Variants in SGK2 observed in about 807,000 individuals in gnomAD.
SGK2 encodes the protein serum/glucocorticoid regulated kinase 2, also known as serine/threonine-protein kinase Sgk2.
Under a neutral mutation model 47.5 loss-of-function variants are expected in SGK2, and 36 were observed. That is an observed-to-expected ratio of 0.76 (90% confidence interval 0.58 to 1.00). The LOEUF (loss-of-function observed/expected upper bound fraction) is 1.00. Ranked by LOEUF, SGK2 falls within the 50% of genes least tolerant of loss-of-function variation. SGK2 has a pLI of 0.00. For synonymous variants in SGK2, 157 were observed against 181.9 expected (o/e 0.86, Z 1.10); for missense variants, 404 against 467.4 (o/e 0.86, Z 1.25).
At chr20:43,581,718 G>A (rs1416266913) in intron 12 of SGK2, among the ~76,000 whole-genome samples, 1 of 152,040 alleles carries the variant, frequency 6.6e-6, no homozygotes, top group Admixed American at 6.6e-5. Flanking sequence ...CAGTAGAAAC[G>A]GGGTTTCACC....
At chr20:43,566,414 G>T (rs748959701) in intron 1 of SGK2, 59 bp from the exon 2 acceptor site, 1 of 1,614,150 alleles carries the variant, frequency 6.2e-7, no homozygotes, top group South Asian at 1.1e-5. Context: ...AGCCCTGGAT[G>T]GGCGGAGCTG....
chr20:43,567,710 G>C lies in SGK2; in HGVS notation c.132G>C (p.Gly44=). 6.2e-7 allele frequency: 1 copy of C among 1,614,136 alleles called. No homozygotes were observed. Among genetic ancestry groups the C allele is most frequent in the Non-Finnish European group, 8.5e-7 (1 of 1,180,026 alleles). Residue 44 remains glycine, a synonymous_variant, in exon 4 of 13, where the codon GGG becomes GGC. Coordinates refer to ENST00000373100, the MANE Select transcript of SGK2 (RefSeq NM_170693.3). ...DFDFLKVIGK[G]NYGKVLLAKR... ...ACTTCCTCAAAGTCATCGGCAAAGG[G>C]AACTACGGGAAGGTGAGTGACTTGG...
intron 1 of SGK2, among the ~76,000 whole-genome samples, chr20:43,562,185 A>C (rs1979426614): frequency 6.6e-6 from 1 of 151,594 alleles, no homozygotes; most frequent in African/African-American, 2.4e-5. Flanking sequence ...AGGCCGAGGC[A>C]GGAGGATTGC....
chr20:43,569,703 G>C, intron 6 of SGK2, 187 bp downstream of exon 6: 1 of 605,548 alleles, frequency 1.7e-6, no homozygotes, highest in Non-Finnish European at 2.9e-6. Flanking sequence ...CGCATACCTG[G>C]TAGAGTCAGG....
rs556212700 is a variant in SGK2 at position 43,575,446 on chromosome 20, C to A, written c.693+442C>A. Among the ~76,000 whole-genome samples, 483 of 115,840 alleles carry A rather than the reference C, an allele frequency of 4.2e-3. 1 individual carries two copies. Among genetic ancestry groups the A allele is most frequent in the African/African-American group, 0.015 (434 of 28,748 alleles). The allele number at this position is 115,840 out of a possible 152,430, so 76.0% of individuals were successfully genotyped here. On this transcript the variant is annotated intron_variant, in intron 10 of 12. Coordinates refer to ENST00000373100, the MANE Select transcript of SGK2 (RefSeq NM_170693.3). ...ACCACCGCATATCCAGTCTGGGTGA[C>A]GGAGGGAGACTCTGTCTCAAAAAAA...
chr20:43,562,274 C>T (rs759278088), intron 1 of SGK2, among the ~76,000 whole-genome samples: 2 of 151,256 alleles, frequency 1.3e-5, no homozygotes, highest in Admixed American at 6.6e-5. Context: ...AAAAATTAGC[C>T]AAGCCTGGTG....
At chr20:43,570,864 C>A in intron 7 of SGK2, 135 bp downstream of exon 7, 1 of 1,304,748 alleles carries the variant, frequency 7.7e-7, no homozygotes, top group Non-Finnish European at 1.1e-6. Context: ...GAGTCTCCTC[C>A]TCCGAGGTCC....
At chr20:43,564,235 G>A (rs1390927721) in intron 1 of SGK2, among the ~76,000 whole-genome samples, 1 of 152,260 alleles carries the variant, frequency 6.6e-6, no homozygotes, top group Admixed American at 6.5e-5. Context: ...CCTGCCCTGA[G>A]GACTGGGCCA....
chr20:43,579,555 G>A (rs1178612347), intron 11 of SGK2, among the ~76,000 whole-genome samples: 1 of 152,110 alleles, frequency 6.6e-6, no homozygotes, highest in African/African-American at 2.4e-5. Flanking sequence ...CTTCCCTAGT[G>A]AATTGATTTA....
At chr20:43,568,948 A>G (rs1979913875) in intron 5 of SGK2, among the ~76,000 whole-genome samples, 1 of 152,124 alleles carries the variant, frequency 6.6e-6, no homozygotes, top group Non-Finnish European at 1.5e-5. Context: ...TTCCTGAGGG[A>G]GGCAGCGGTG....
rs771099231 is a variant in SGK2 at position 43,585,601 on chromosome 20, A to C, written c.*585A>C. On this transcript the variant is annotated 3_prime_UTR_variant, in exon 13 of 13. Coordinates refer to ENST00000373100, the MANE Select transcript of SGK2 (RefSeq NM_170693.3). ...AATGACAGAGATGTAACAAGCTCATAGGGTATCAATATCTCTTATTGTTCT... is the reference window on the plus strand; with the variant it reads ...AATGACAGAGATGTAACAAGCTCATCGGGTATCAATATCTCTTATTGTTCT... The C allele has an allele frequency of 6.5e-6, 1 of 152,820 alleles. No individual in the cohort carries two copies. The highest frequency in any genetic ancestry group is 2.4e-5 in the African/African-American group (1 of 41,448). 9.5% of individuals were successfully genotyped at this position (152,820 alleles called of 1,614,324 possible).
intron 9 of SGK2, among the ~76,000 whole-genome samples, chr20:43,573,076 C>A (rs908447356): frequency 2.0e-5 from 3 of 152,214 alleles, no homozygotes; most frequent in Admixed American, 2.0e-4. Context: ...GTGTAAACCA[C>A]AGGTCCGTGT....
At chr20:43,580,174 T>G (rs1980704225) in intron 12 of SGK2, 113 bp downstream of exon 12, 3 of 649,388 alleles carry the variant, frequency 4.6e-6, no homozygotes, top group Non-Finnish European at 8.1e-6. Context: ...AGCTCAGTCA[T>G]TTGTCCTAGG....
At chr20:43,561,987 A>G (rs1979414681) in intron 1 of SGK2, among the ~76,000 whole-genome samples, 1 of 152,160 alleles carries the variant, frequency 6.6e-6, no homozygotes, top group Non-Finnish European at 1.5e-5. Flanking sequence ...GCTTTCTAGA[A>G]TGAACTCAAA....
intron 12 of SGK2, chr20:43,583,576 AC>A: frequency 5.1e-6 from 5 of 985,258 alleles, no homozygotes; most frequent in Non-Finnish European, 6.0e-6. Flanking sequence ...CCCCTTCCTC[AC>A]CTGCTTACTT....
rs184699673 is a variant in SGK2 at position 43,568,203 on chromosome 20, A to G, written c.228+204A>G. Among the ~76,000 whole-genome samples, 233 of 152,304 alleles carry G rather than the reference A, an allele frequency of 1.5e-3. 1 individual carries two copies. The highest frequency in any genetic ancestry group is 5.2e-3 in the African/African-American group (217 of 41,572). On this transcript the variant is annotated intron_variant, in intron 5 of 12. Coordinates refer to ENST00000373100, the MANE Select transcript of SGK2 (RefSeq NM_170693.3). Reference sequence around the variant, plus strand: ...CAAGCCATCTCACCACAGGGCTTTCAGGAAAACCAGCCTGGCTTTGCCTTC... The same window carrying G: ...CAAGCCATCTCACCACAGGGCTTTCGGGAAAACCAGCCTGGCTTTGCCTTC...
chr20:43,580,043 A>G lies in SGK2; in HGVS notation c.921A>G (p.Pro307=), dbSNP rs760767532. Residue 307 remains proline (P), a synonymous_variant, in exon 12 of 13, where the codon CCA becomes CCG. Transcript: ENST00000373100. Reference sequence around the variant, plus strand: ...ACCTGTACCACAAGAGGCTAACTCCACCCTTCAACCCAAATGTGGTAAGAG... The same window carrying G: ...ACCTGTACCACAAGAGGCTAACTCCGCCCTTCAACCCAAATGTGGTAAGAG... ...WDDLYHKRLT[P]PFNPNVTGPA... The G allele has an allele frequency of 6.2e-7, 1 of 1,600,992 alleles. No homozygotes were observed. The highest frequency in any genetic ancestry group is 8.5e-7 in the Non-Finnish European group (1 of 1,173,566).
At chr20:43,582,043 T>C (rs1442448459) in intron 12 of SGK2, among the ~76,000 whole-genome samples, 1 of 152,218 alleles carries the variant, frequency 6.6e-6, no homozygotes, top group African/African-American at 2.4e-5. Flanking sequence ...AGATGGTTAG[T>C]TTTTTAAATT....
At chr20:43,580,224 G>A (rs1372675724) in intron 12 of SGK2, among the ~76,000 whole-genome samples, 163 bp downstream of exon 12, 1 of 152,174 alleles carries the variant, frequency 6.6e-6, no homozygotes, top group Non-Finnish European at 1.5e-5. Context: ...CCTGACTACA[G>A]GTGCAGCTCT....
Sources: allele counts gnomAD v4.1 joint callset (sites outside exome capture counted in the v4.1 genomes callset), GRCh38; gene constraint gnomAD v4.1.1; transcripts MANE v1.5; gene names NCBI Gene and HGNC (gene_info 2026-07-23, HGNC 2026-07-21).